Variants in PKNOX2 observed in about 807,000 individuals in gnomAD.
PKNOX2 encodes the protein PBX/knotted 1 homeobox 2, also known as homeobox protein PKNOX2.
A neutral mutation model predicts 53.1 loss-of-function variants in PKNOX2; 14 were observed. That is an observed-to-expected ratio of 0.26 (90% CI 0.17 to 0.41). The LOEUF (loss-of-function observed/expected upper bound fraction) is 0.41. PKNOX2 is among the 10% of genes least tolerant of loss of function. The pLI, the probability that PKNOX2 is intolerant of heterozygous loss-of-function variation, is 1.00. For missense variants in PKNOX2, 496 were observed against 602.8 expected (o/e 0.82, Z 1.85); for synonymous variants, 257 against 242.8 (o/e 1.06, Z -0.54).
chr11:125,298,952 G>A (rs1395655078), intron 2 of PKNOX2, among the ~76,000 whole-genome samples: 3 of 152,130 alleles, frequency 2.0e-5, no homozygotes, highest in South Asian at 2.1e-4. Flanking sequence ...CATTGCCATC[G>A]AGAAGTACCT....
chr11:125,411,696 G>A (rs770001188), intron 9 of PKNOX2, 50 bp from the exon 10 acceptor site: 51 of 1,612,454 alleles, frequency 3.2e-5, no homozygotes, highest in Middle Eastern at 1.6e-4. Context: ...GTCCCCAGCC[G>A]CTGCCCTCAC....
chr11:125,204,996 G>T (rs564716924), intron 1 of PKNOX2, among the ~76,000 whole-genome samples: 2 of 152,318 alleles, frequency 1.3e-5, no homozygotes, highest in South Asian at 4.1e-4. Context: ...TGCGCACAGT[G>T]GTTGTTGACC....
chr11:125,429,983 G>A lies in PKNOX2; in HGVS notation c.1034G>A (p.Arg345His), dbSNP rs763253785. 2 of 1,613,952 alleles carry A rather than the reference G, an allele frequency of 1.2e-6. No homozygotes were observed. Among genetic ancestry groups the A allele is most frequent in the Non-Finnish European group, 1.7e-6 (2 of 1,179,918 alleles). The change falls in exon 12 of 13, where the codon CGC becomes CAC. Residue 345 changes from arginine (R) to histidine (H), a missense_variant. Coordinates refer to ENST00000298282, the MANE Select transcript of PKNOX2 (RefSeq NM_001382323.2). The stretch of plus-strand genomic sequence containing the variant: ...GGCAGGTTCATCAATGCCCGGAGGC[G>A]CATCCTGCAGCCCATGCTTGATGCC... ...VNNWFINARR[R>H]ILQPMLDASN... is the part of the protein sequence containing the mutation.
At position 125,165,946 on chromosome 11, in the gene PKNOX2, C is replaced by A. The variant is rs1201869931; in HGVS notation, c.-201+1170C>A. ...GGAAGAAACGAGCGAAATGGGCCGT[C>A]CTTTCCCGGGGCTCTTCACGGGGGA... On this transcript the variant is annotated intron_variant, in intron 1 of 12. Coordinates refer to ENST00000298282, the MANE Select transcript of PKNOX2 (RefSeq NM_001382323.2). This position sits in a 1 kb window ranked among gnomAD's most constrained non-coding sequence, Gnocchi z 4.5. 4.6e-5 allele frequency among the ~76,000 whole-genome samples: 7 copies of A among 152,154 alleles called. No homozygotes were observed. Among genetic ancestry groups the A allele is most frequent in the Non-Finnish European group, 7.3e-5 (5 of 68,032 alleles).
chr11:125,219,903 C>T lies in PKNOX2; in HGVS notation c.-200-15142C>T, dbSNP rs75316500. ...AGCAATTTCATGTTGGGGAAATGAT[C>T]CTAAAGACATTCTTGTACCTATAGG... On this transcript the variant is annotated intron_variant, in intron 1 of 12. Transcript: ENST00000298282. 9.6e-3 allele frequency among the ~76,000 whole-genome samples: 1,457 copies of T among 152,242 alleles called. 9 individuals carry two copies. Among genetic ancestry groups the T allele is most frequent in the Non-Finnish European group, 0.015 (1,038 of 68,024 alleles).
chr11:125,226,050 TTC>T (rs1379737886), intron 1 of PKNOX2, among the ~76,000 whole-genome samples: 1 of 152,254 alleles, frequency 6.6e-6, no homozygotes, highest in Non-Finnish European at 1.5e-5. Flanking sequence ...GCTGCAGAAT[TTC>T]TCTTGCTTCC....
intron 1 of PKNOX2, among the ~76,000 whole-genome samples, chr11:125,180,285 G>A (rs1029813086): frequency 2.7e-5 from 4 of 149,802 alleles, no homozygotes; most frequent in East Asian, 2.0e-4. Flanking sequence ...TCTTTAGAGC[G>A]ATTGTTGGAT....
intron 4 of PKNOX2, among the ~76,000 whole-genome samples, chr11:125,367,170 ATAATAT>A (rs1289755962): frequency 1.3e-5 from 2 of 152,248 alleles, no homozygotes; most frequent in Non-Finnish European, 1.5e-5. Flanking sequence ...AATCTAATAG[ATAATAT>A]TAAAAGGAGT....
chr11:125,340,199 A>AGTGTG (rs1294692151), intron 3 of PKNOX2, among the ~76,000 whole-genome samples: 1 of 152,194 alleles, frequency 6.6e-6, no homozygotes, highest in African/African-American at 2.4e-5. Flanking sequence ...CCATTAACTG[A>AGTGTG]TGTACAAAAG....
intron 9 of PKNOX2, 24 bp downstream of exon 9, chr11:125,410,900 C>T (rs531355222): frequency 3.8e-6 from 6 of 1,597,908 alleles, no homozygotes; most frequent in African/African-American, 1.3e-5. Flanking sequence ...GGTGTGTGCA[C>T]ATGTGCATGG....
intron 2 of PKNOX2, among the ~76,000 whole-genome samples, chr11:125,286,316 T>G (rs1165284079): frequency 6.6e-6 from 1 of 152,170 alleles, no homozygotes; most frequent in Non-Finnish European, 1.5e-5. Context: ...GTTTAATAAC[T>G]CAAATCATAC....
At chr11:125,368,035 AGCTCAGCTGTG>A in intron 5 of PKNOX2, 50 bp downstream of exon 5, 1 of 1,578,428 alleles carries the variant, frequency 6.3e-7, no homozygotes, top group Non-Finnish European at 8.6e-7. Flanking sequence ...CTTCAGGCCC[AGCTCAGCTGTG>A]AGGGATGAGA....
At chr11:125,321,361 C>T (rs1420208604) in intron 2 of PKNOX2, among the ~76,000 whole-genome samples, 1 of 152,124 alleles carries the variant, frequency 6.6e-6, no homozygotes, top group Non-Finnish European at 1.5e-5. Flanking sequence ...GCTCAAGTCC[C>T]TTATATAAAA....
Position 125,206,385 on chromosome 11 carries a change from A to T in PKNOX2, c.-200-28660A>T, listed in dbSNP as rs924895528. Among the ~76,000 whole-genome samples the T allele has an allele frequency of 1.5e-4, 23 of 152,050 alleles. 1 individual carries two copies. Among genetic ancestry groups the T allele is most frequent in the Middle Eastern group, 3.2e-3 (1 of 316 alleles). Reference sequence around the variant, plus strand: ...TTAGGTAGAAAGATTACTCTGCACAAATGCGTGGAGGCATGAACCAGCGTG... The same window carrying T: ...TTAGGTAGAAAGATTACTCTGCACATATGCGTGGAGGCATGAACCAGCGTG... On this transcript the variant is annotated intron_variant, in intron 1 of 12. Coordinates refer to ENST00000298282, the MANE Select transcript of PKNOX2 (RefSeq NM_001382323.2).
At chr11:125,262,093 G>A (rs572903800) in intron 2 of PKNOX2, among the ~76,000 whole-genome samples, 66 of 152,266 alleles carry the variant, frequency 4.3e-4, no homozygotes, top group Admixed American at 3.2e-3. Flanking sequence ...ATTATGAGCC[G>A]TGATGGGGCA....
intron 1 of PKNOX2, among the ~76,000 whole-genome samples, chr11:125,207,062 G>C (rs112458746): frequency 0.015 from 2,306 of 151,516 alleles, 59 homozygotes; most frequent in African/African-American, 0.052. Flanking sequence ...CTGTATGTGG[G>C]AGAGTAAGAG....
chr11:125,247,651 G>A (rs1458494359), intron 2 of PKNOX2, among the ~76,000 whole-genome samples: 1 of 152,164 alleles, frequency 6.6e-6, no homozygotes, highest in Non-Finnish European at 1.5e-5. Context: ...TTGAAGAGAG[G>A]TTGTCAGAGC....
rs143879872 is a variant in PKNOX2 at position 125,228,334 on chromosome 11, C to A, written c.-200-6711C>A. On this transcript the variant is annotated intron_variant, in intron 1 of 12. Coordinates refer to ENST00000298282, the MANE Select transcript of PKNOX2 (RefSeq NM_001382323.2). ...AAAGTCACACGTGGCCCTTGGCTAC[C>A]TTATTGCACCATGCAGCTATAGAGG... Among the ~76,000 whole-genome samples the A allele has an allele frequency of 3.5e-3, 536 of 152,248 alleles. 6 individuals are homozygous for A. Among genetic ancestry groups the A allele is most frequent in the African/African-American group, 0.012 (498 of 41,542 alleles).
intron 2 of PKNOX2, among the ~76,000 whole-genome samples, chr11:125,275,341 A>G (rs1325179917): frequency 6.6e-6 from 1 of 152,144 alleles, no homozygotes; most frequent in Non-Finnish European, 1.5e-5. Flanking sequence ...GACCTGAGCC[A>G]GTGTGCATGG....
Sources: gnomAD v4.1 joint callset for allele counts (sites outside exome capture counted in the v4.1 genomes callset) on GRCh38, gnomAD v4.1.1 for gene constraint, Gnocchi (gnomAD v3.1) non-coding constraint, MANE v1.5 for transcripts, NCBI Gene and HGNC (gene_info 2026-07-23, HGNC 2026-07-21) for gene names.